The following SDC3 variants were observed in gnomAD, a reference collection of about 807,000 sequenced individuals.
SDC3 encodes syndecan 3.
A neutral mutation model predicts 24.4 loss-of-function variants in SDC3; 13 were observed. The observed-to-expected ratio is 0.53, with a 90% CI of 0.35 to 0.85. The LOEUF is 0.85. SDC3 is among the 40% of genes least tolerant of loss of function. The probability of loss-of-function intolerance (pLI) is 0.01; values close to 1 mark genes in which losing one functional copy is unlikely to be tolerated. For synonymous variants in SDC3, 295 were observed against 260.9 expected, an observed-to-expected ratio of 1.13 and a Z score of -1.26; for missense variants, 571 against 584.5, an observed-to-expected ratio of 0.98 and a Z score of 0.24.
intron 1 of SDC3, among the ~76,000 whole-genome samples, chr1:30,888,152 A>G (rs576369017): frequency 2.0e-5 from 3 of 152,364 alleles, no homozygotes; most frequent in South Asian, 4.1e-4. Flanking sequence ...CTCAGGAGCC[A>G]GTGAAATGGG....
intron 2 of SDC3, chr1:30,877,515 A>G (rs1639665617): frequency 3.8e-6 from 2 of 531,984 alleles, no homozygotes; most frequent in East Asian, 6.0e-5. Flanking sequence ...CTTGCAGGGG[A>G]ACACAGGAGT....
chr1:30,893,014 G>A (rs1284677591), intron 1 of SDC3, among the ~76,000 whole-genome samples: 2 of 152,174 alleles, frequency 1.3e-5, no homozygotes, highest in Admixed American at 6.5e-5. Flanking sequence ...ACCAGGGAAA[G>A]GCCAGCCCAA....
At chr1:30,879,233 T>TA (rs1281001084) in intron 1 of SDC3, among the ~76,000 whole-genome samples, 2 of 151,990 alleles carry the variant, frequency 1.3e-5, no homozygotes, top group African/African-American at 2.4e-5. Context: ...CCTGTCTTCA[T>TA]ATCCCCAGCC....
intron 1 of SDC3, among the ~76,000 whole-genome samples, chr1:30,889,343 G>A (rs1389678887): frequency 1.3e-5 from 2 of 152,178 alleles, no homozygotes; most frequent in African/African-American, 4.8e-5. Flanking sequence ...ATGGAACAAT[G>A]ATATGGCCCA....
At chr1:30,873,510 A>C (rs144363588) in intron 4 of SDC3, 133 bp from the exon 5 acceptor site, 156 of 630,232 alleles carry the variant, frequency 2.5e-4, no homozygotes, top group African/African-American at 2.5e-3. Context: ...GATGGAGTCA[A>C]TACTACTACT....
intron 1 of SDC3, among the ~76,000 whole-genome samples, chr1:30,899,470 G>A (rs537115773): frequency 1.3e-5 from 2 of 152,140 alleles, no homozygotes; most frequent in African/African-American, 2.4e-5. Flanking sequence ...CGCCTCCCGG[G>A]TTCAAGCAAT....
At chr1:30,892,053 A>G (rs1426304548) in intron 1 of SDC3, among the ~76,000 whole-genome samples, 2 of 151,906 alleles carry the variant, frequency 1.3e-5, no homozygotes, top group Non-Finnish European at 2.9e-5. Context: ...AGCCTCCTGC[A>G]GGTCCTGCGT....
At chr1:30,901,062 G>C (rs1435245097) in intron 1 of SDC3, among the ~76,000 whole-genome samples, 2 of 152,186 alleles carry the variant, frequency 1.3e-5, no homozygotes, top group African/African-American at 4.8e-5. Context: ...GGTAGGAGAA[G>C]GGGCAAATGA....
chr1:30,877,457 T>C (rs531941639), intron 2 of SDC3: 9 of 580,586 alleles, frequency 1.6e-5, no homozygotes, highest in African/African-American at 1.5e-4. Flanking sequence ...TGAGGTTGAA[T>C]CCAGGCAGCA....
chr1:30,908,574 GC>G lies in SDC3; in HGVS notation c.12del (p.Pro5ArgfsTer99). 1.0e-6 allele frequency: 1 copy of G among 977,252 alleles called. No homozygotes were observed. The highest frequency in any genetic ancestry group is 1.2e-6 in the Non-Finnish European group (1 of 826,390). The allele number at this position is 977,252 out of a possible 1,614,324, so 60.5% of individuals were successfully genotyped here. A position where few individuals can be genotyped will look rare whatever the true frequency, so the allele number is the denominator to read the frequency against. On this transcript the variant is annotated frameshift_variant, in exon 1 of 5. Coordinates refer to ENST00000339394, the MANE Select transcript of SDC3 (RefSeq NM_014654.4). LOFTEE classifies it high-confidence loss of function. ...TGGGCGGCCCCGGCACGGTGCGGCG[GC>G]CCCGGCTTCATGGCGGCGGCGCGGG... The part of the protein sequence containing the change: MKP[G>X]PPHRAGAAHG...
At chr1:30,877,228 C>T in intron 2 of SDC3, 63 bp from the exon 3 acceptor site, 2 of 1,602,180 alleles carry the variant, frequency 1.2e-6, no homozygotes, top group Non-Finnish European at 1.7e-6. Context: ...GCATGAGGAT[C>T]CCAGGTAAGC....
In SDC3 at chr1:30,874,399, C is replaced by A. The variant is rs534977704; in HGVS notation, c.1060G>T (p.Ala354Ser). The change falls in exon 4 of 5, where the codon GCC (alanine) becomes TCC (serine). Residue 354 changes from alanine (A) to serine (S), a missense_variant. By Grantham distance (99) the Ala-to-Ser change is moderately conservative. Transcript: ENST00000339394. ...SSPPGTLPKG[A>S]RPGPGLLDNA... ...TCCAGGAGGCCAGGGCCCGGGCGGG[C>A]ACCCTTGGGCAGTGTCCCAGGTGGA... The A allele has an allele frequency of 2.5e-5, 40 of 1,614,012 alleles. No individual in the cohort carries two copies. Among genetic ancestry groups the A allele is most frequent in the Non-Finnish European group, 3.4e-5 (40 of 1,180,010 alleles).
At chr1:30,907,327 A>C (rs4303117) in intron 1 of SDC3, among the ~76,000 whole-genome samples, 98,878 of 152,070 alleles carry the variant, frequency 0.65, 32,902 homozygotes, top group East Asian at 0.87. Flanking sequence ...TTTCTCTGCC[A>C]TCCCTGACGG....
In SDC3 at chr1:30,908,479, C is replaced by T. The variant is rs1477685898; in HGVS notation, c.108G>A (p.Leu36=). The stretch of plus-strand genomic sequence containing the variant: ...CGGCGCGCCCCGCCAGCAGCAGCAG[C>T]AGCAGCGGTGGCAGGAGCAGCCCGC... ...GARGLLLPPL[L]LLLLAGRAAG... The change falls in exon 1 of 5, where the codon CTG becomes CTA. Residue 36 remains leucine, a synonymous_variant. Transcript: ENST00000339394. The T allele has an allele frequency of 6.8e-6, 7 of 1,027,070 alleles. No individual in the cohort carries two copies. The highest frequency in any genetic ancestry group is 4.7e-4 in the Middle Eastern group (1 of 2,106). 63.6% of individuals were successfully genotyped at this position (1,027,070 alleles called of 1,614,324 possible).
At chr1:30,881,497 T>C (rs554507083) in intron 1 of SDC3, 1 of 152,494 alleles carries the variant, frequency 6.6e-6, no homozygotes, top group South Asian at 2.1e-4. Flanking sequence ...ACCTTTCCTC[T>C]CGGCTGCACC....
intron 1 of SDC3, among the ~76,000 whole-genome samples, chr1:30,887,940 G>A (rs1473325099): frequency 6.6e-6 from 1 of 152,232 alleles, no homozygotes; most frequent in African/African-American, 2.4e-5. Context: ...AATCCAGCCA[G>A]GAGGACTCCA....
chr1:30,907,955 G>A (rs1638560489), intron 1 of SDC3, among the ~76,000 whole-genome samples: 1 of 152,278 alleles, frequency 6.6e-6, no homozygotes, highest in Non-Finnish European at 1.5e-5. Flanking sequence ...GCACACCCAC[G>A]AGGCAAAAGC....
At chr1:30,908,221 C>T (rs1180664659) in intron 1 of SDC3, among the ~76,000 whole-genome samples, 2 of 149,910 alleles carry the variant, frequency 1.3e-5, no homozygotes, top group African/African-American at 4.9e-5. Flanking sequence ...CGGGGGCGGC[C>T]TCTCCCCGCG....
At chr1:30,896,629 C>T (rs1054718755) in intron 1 of SDC3, among the ~76,000 whole-genome samples, 1 of 152,096 alleles carries the variant, frequency 6.6e-6, no homozygotes, top group African/African-American at 2.4e-5. Context: ...GAAAAAGAGA[C>T]AATGGTATGC....
Sources: allele counts gnomAD v4.1 joint callset (sites outside exome capture counted in the v4.1 genomes callset), GRCh38; gene constraint gnomAD v4.1.1; transcripts MANE v1.5; gene names NCBI Gene and HGNC (gene_info 2026-07-23, HGNC 2026-07-21).